The following EVPL variants were observed in gnomAD, a reference collection of about 807,000 sequenced individuals.
EVPL encodes envoplakin.
A neutral mutation model predicts 129.7 loss-of-function variants in EVPL; 94 were observed. That is an observed-to-expected ratio of 0.72 (90% CI 0.61 to 0.86). The LOEUF is 0.86. Among genes scored for constraint, EVPL ranks in the 40% least tolerant of loss-of-function variants. The pLI is 0.00. For synonymous variants in EVPL, 1,172 were observed against 1,191.1 expected (o/e 0.98, Z 0.33); for missense variants, 2,625 against 2,721.1 (o/e 0.96, Z 0.79).
Position 76,022,416 on chromosome 17 carries a change from C to A in EVPL, c.603G>T (p.Gly201=). Residue 201 remains glycine, a synonymous_variant, in exon 5 of 22, where the codon GGG becomes GGT. Coordinates refer to ENST00000301607, the MANE Select transcript of EVPL (RefSeq NM_001988.4). This position sits in a 1 kb window ranked among gnomAD's most constrained non-coding sequence, Gnocchi z 5.6. ...AYGQQLRSLV[G]PDAATIRSQY... is the part of the protein sequence containing the mutation. ...GACATCCTCCAGGCTCACCTACCGGCCCCACGAGGCTCCGCAGCTGCTGCC... is the reference window on the plus strand; with the variant it reads ...GACATCCTCCAGGCTCACCTACCGGACCCACGAGGCTCCGCAGCTGCTGCC... The A allele has an allele frequency of 6.2e-7, 1 of 1,613,674 alleles. No individual in the cohort carries two copies. Among genetic ancestry groups the A allele is most frequent in the Non-Finnish European group, 8.5e-7 (1 of 1,179,928 alleles).
rs769982483 is a variant in EVPL at position 76,009,544 on chromosome 17, C to A, written c.3661G>T (p.Ala1221Ser). The change falls in exon 22 of 22, where the codon GCG becomes TCG. Residue 1221 changes from alanine (A) to serine (S), a missense_variant. Physicochemically the swap from Ala to Ser is moderately conservative, Grantham distance 99. Coordinates refer to ENST00000301607, the MANE Select transcript of EVPL (RefSeq NM_001988.4). This position sits in a 1 kb window ranked among gnomAD's most constrained non-coding sequence, Gnocchi z 5.9. ...TRLKAKLQEM[A>S]GKRSGVEKEV... ...TTCTCCACACCGCTCCTCTTGCCCG[C>A]CATCTCCTGCAGCTTGGCCTTGAGC... 7 of 1,614,004 alleles carry A rather than the reference C, an allele frequency of 4.3e-6. No individual in the cohort carries two copies. Among genetic ancestry groups the A allele is most frequent in the Non-Finnish European group, 5.9e-6 (7 of 1,180,042 alleles).
rs1180198252 is a variant in EVPL, at chr17:76,021,486, G to C, written c.993C>G (p.His331Gln). ...GGCTCACCCGGCGGTAGTCCTCCAC[G>C]TGCTGCAGCTGGGTCTCCTGGCAGA... is the stretch of plus-strand genomic sequence containing the variant. ...LCICQETQLQ[H>Q]VEDYRRFQEE... The change falls in exon 9 of 22, where the codon CAC (histidine) becomes CAG (glutamine). Residue 331 changes from histidine to glutamine, a missense_variant. Around this residue, in one of 4 missense-constraint regions of EVPL, gnomAD observed 1,024 missense variants for 997.5 expected, o/e 1.03. Coordinates refer to ENST00000301607, the MANE Select transcript of EVPL (RefSeq NM_001988.4). 2 of 1,594,652 alleles carry C rather than the reference G, an allele frequency of 1.3e-6. No individual in the cohort carries two copies. Among genetic ancestry groups the C allele is most frequent in the Non-Finnish European group, 1.7e-6 (2 of 1,170,448 alleles).
rs2066336028 is a variant in EVPL, at chr17:76,008,024, G to A, written c.5181C>T (p.Thr1727=). 14 of 1,614,100 alleles carry A rather than the reference G, an allele frequency of 8.7e-6. No homozygotes were observed. Among genetic ancestry groups the A allele is most frequent in the Non-Finnish European group, 1.1e-5 (13 of 1,180,026 alleles). The part of the protein sequence containing the change: ...QELECDWEEV[T]TSGPCGEESV... The stretch of plus-strand genomic sequence containing the variant: ...ACTCCTCCCCACAGGGCCCCGAGGT[G>A]GTGACCTCCTCCCAGTCACACTCGA... Residue 1727 remains threonine (T), a synonymous_variant, in exon 22 of 22, where the codon ACC becomes ACT. Transcript: ENST00000301607. This position sits in a 1 kb window ranked among gnomAD's most constrained non-coding sequence, Gnocchi z 7.4.
In EVPL at chr17:76,011,850, G is replaced by A. The variant is rs772068114; in HGVS notation, c.2490C>T (p.Cys830=). 31 of 1,613,314 alleles carry A rather than the reference G, an allele frequency of 1.9e-5. No individual in the cohort carries two copies. Among genetic ancestry groups the A allele is most frequent in the Non-Finnish European group, 2.4e-5 (28 of 1,179,816 alleles). The part of the protein sequence containing the change: ...DYELQADTYR[C]SLEPTLAVSA... ...ACACTGCCAGGGTGGGCTCCAAAGA[G>A]CAGCGGTAGGTGTCTGCCTGGAGCT... Residue 830 remains cysteine (C), a synonymous_variant, in exon 20 of 22, where the codon TGC becomes TGT. Transcript: ENST00000301607.
chr17:76,015,501 A>G lies in EVPL; in HGVS notation c.1838T>C (p.Val613Ala), dbSNP rs928866204. The G allele has an allele frequency of 2.4e-5, 39 of 1,613,114 alleles. No homozygotes were observed. Among genetic ancestry groups the G allele is most frequent in the Non-Finnish European group, 3.2e-5 (38 of 1,179,984 alleles). ...CTGCACGTCACTGAACTTGTTCTTC[A>G]CGCTGTTGAGGGCTACGGGCAGCTG... ...ALQLPVALNS[V>A]KNKFSDVQVL... The change falls in exon 15 of 22, where the codon GTG becomes GCG. Residue 613 changes from valine to alanine, a missense_variant. Val to Ala is a moderately conservative substitution (Grantham distance 64). Transcript: ENST00000301607.
Position 76,007,131 on chromosome 17 carries a change from G to C in EVPL, c.6074C>G (p.Ser2025Cys). ...GCGAAGGGAGCGCGGGACGGTGGGG[G>C]AGGCGGAGCGGTAGCAGCGGTACCC... is the stretch of plus-strand genomic sequence containing the variant. ...LEGYRCYRSA[S>C]PTVPRSLR The change falls in exon 22 of 22, where the codon TCC becomes TGC. Residue 2025 changes from serine (S) to cysteine (C), a missense_variant. Transcript: ENST00000301607. This position sits in a 1 kb window ranked among gnomAD's most constrained non-coding sequence, Gnocchi z 8.8. 6.7e-7 allele frequency: 1 copy of C among 1,488,754 alleles called. No homozygotes were observed. Among genetic ancestry groups the C allele is most frequent in the East Asian group, 2.3e-5 (1 of 43,518 alleles). The allele number at this position is 1,488,754 out of a possible 1,614,324, so 92.2% of individuals were successfully genotyped here. A position where few individuals can be genotyped will look rare whatever the true frequency, so the allele number is the denominator to read the frequency against.
chr17:76,015,245 C>G lies in EVPL; in HGVS notation c.2010G>C (p.Glu670Asp). The change falls in exon 16 of 22, where the codon GAG becomes GAC. Residue 670 changes from glutamate (E) to aspartate (D), a missense_variant. Physicochemically the swap from Glu to Asp is conservative, Grantham distance 45 (BLOSUM62 2). Transcript: ENST00000301607. ...PIPAEPGALQ[E>D]RVSELQRQRR... ...CCCTTACCTGCAGCTCGCTGACCCT[C>G]TCCTGCAGAGCCCCCGGTTCAGCAG... 6 of 1,599,690 alleles carry G rather than the reference C, an allele frequency of 3.8e-6. No individual in the cohort carries two copies. The highest frequency in any genetic ancestry group is 2.5e-6 in the Non-Finnish European group (3 of 1,177,174).
chr17:76,026,495 G>A (rs1028501504), intron 1 of EVPL, among the ~76,000 whole-genome samples: 1 of 152,190 alleles, frequency 6.6e-6, no homozygotes, highest in Non-Finnish European at 1.5e-5. Context: ...GATTATAGGC[G>A]TGAGCCACGG....
rs754659256 is a variant in EVPL at position 76,007,777 on chromosome 17, T to C, written c.5428A>G (p.Ser1810Gly). ...AGAGAGAAGCTGGGAGAGAAGAAAC[T>C]GGTGCTCTGGGGGGCCGGGGAGGCG... is the stretch of plus-strand genomic sequence containing the variant. ...PLASPAPQST[S>G]FFSPSFSLGL... The change falls in exon 22 of 22, where the codon AGT (serine) becomes GGT (glycine). Residue 1810 changes from serine to glycine, a missense_variant. Transcript: ENST00000301607. This position sits in a 1 kb window ranked among gnomAD's most constrained non-coding sequence, Gnocchi z 8.8. The C allele has an allele frequency of 1.2e-6, 2 of 1,612,138 alleles. No homozygotes were observed. The highest frequency in any genetic ancestry group is 2.7e-5 in the African/African-American group (2 of 74,822).
At chr17:76,012,245 T>C in intron 18 of EVPL, 156 bp from the exon 19 acceptor site, 1 of 582,970 alleles carries the variant, frequency 1.7e-6, no homozygotes, top group South Asian at 2.2e-5. Flanking sequence ...CTCCTTTCCC[T>C]GACATCATTC....
intron 14 of EVPL, among the ~76,000 whole-genome samples, chr17:76,017,123 G>T (rs1057450492): frequency 1.3e-5 from 2 of 150,488 alleles, no homozygotes; most frequent in Non-Finnish European, 3.0e-5. Flanking sequence ...TGAGGCAGGA[G>T]AATTGCTTGA....
chr17:76,017,106 C>T (rs938609971), intron 14 of EVPL, among the ~76,000 whole-genome samples: 3 of 150,402 alleles, frequency 2.0e-5, no homozygotes, highest in Non-Finnish European at 4.4e-5. Context: ...CCAGCTACTC[C>T]GGAGGTTGAG....
intron 3 of EVPL, 27 bp downstream of exon 3, chr17:76,023,473 C>T (rs758789063): frequency 2.5e-6 from 4 of 1,611,704 alleles, no homozygotes; most frequent in Non-Finnish European, 3.4e-6. Context: ...CCCCAGGGAC[C>T]CCCAGCCCTG....
intron 11 of EVPL, 66 bp downstream of exon 11, chr17:76,018,848 G>T: frequency 6.8e-7 from 1 of 1,466,998 alleles, no homozygotes; most frequent in Non-Finnish European, 9.0e-7. Flanking sequence ...GATGGGCTTG[G>T]GCAGGGGCAG....
chr17:76,022,414 G>C lies in EVPL; in HGVS notation c.605C>G (p.Pro202Arg), dbSNP rs147209597. 120 of 1,613,472 alleles carry C rather than the reference G, an allele frequency of 7.4e-5. No individual in the cohort carries two copies. The highest frequency in any genetic ancestry group is 1.6e-4 in the Middle Eastern group (1 of 6,082). The change falls in exon 5 of 22, where the codon CCG becomes CGG. Residue 202 changes from proline (P) to arginine (R), a missense_variant and splice_region_variant. By Grantham distance (103) the Pro-to-Arg change is moderately radical. This residue lies in a region of EVPL where 1,024 missense variants were observed against 997.5 expected (regional missense o/e 1.03). Transcript: ENST00000301607. The surrounding 1 kb of genome is among the most constrained non-coding windows in gnomAD (Gnocchi z 5.6). Reference sequence around the variant, plus strand: ...GTGACATCCTCCAGGCTCACCTACCGGCCCCACGAGGCTCCGCAGCTGCTG... The same window carrying C: ...GTGACATCCTCCAGGCTCACCTACCCGCCCCACGAGGCTCCGCAGCTGCTG... ...YGQQLRSLVG[P>R]DAATIRSQYR...
In EVPL at chr17:76,013,919, G is replaced by A. The variant is rs985561439; in HGVS notation, c.2373+507C>T. ...GTGGTCTGCCCATCTGGTCGCCCTC[G>A]CCCCTGAGTCCCCCTCCTTTCCCCT... On this transcript the variant is annotated intron_variant, in intron 18 of 21. Coordinates refer to ENST00000301607, the MANE Select transcript of EVPL (RefSeq NM_001988.4). The surrounding 1 kb of genome is among the most constrained non-coding windows in gnomAD (Gnocchi z 4.3). Among the ~76,000 whole-genome samples the A allele has an allele frequency of 6.6e-5, 10 of 151,964 alleles. No individual in the cohort carries two copies. In the East Asian group the frequency reaches 7.7e-4, roughly 12 times the overall value.
Position 76,009,668 on chromosome 17 carries a change from C to T in EVPL, c.3537G>A (p.Lys1179=), listed in dbSNP as rs2066358462. Residue 1179 remains lysine, a synonymous_variant, in exon 22 of 22, where the codon AAG becomes AAA. Coordinates refer to ENST00000301607, the MANE Select transcript of EVPL (RefSeq NM_001988.4). The surrounding 1 kb of genome is among the most constrained non-coding windows in gnomAD (Gnocchi z 5.9). ...GCCTCTGCTTCTCCACCACGCTGTA[C>T]TTGCTGTGCAGGTCGCTCAGCTCCC... The part of the protein sequence containing the change: ...LARELSDLHS[K]YSVVEKQRPK... The T allele has an allele frequency of 1.2e-6, 2 of 1,613,620 alleles. No homozygotes were observed. The highest frequency in any genetic ancestry group is 1.7e-5 in the Admixed American group (1 of 60,010).
chr17:76,026,020 C>T (rs1405008225), intron 1 of EVPL, among the ~76,000 whole-genome samples: 1 of 152,250 alleles, frequency 6.6e-6, no homozygotes, highest in African/African-American at 2.4e-5. Flanking sequence ...CGGCTCACTG[C>T]AGCCTCGACT....
chr17:76,015,420 G>A lies in EVPL; in HGVS notation c.1889+30C>T, dbSNP rs1229284986. The A allele has an allele frequency of 1.9e-6, 3 of 1,606,112 alleles. No individual in the cohort carries two copies. In the East Asian group the frequency reaches 6.7e-5, roughly 36 times the overall value. On this transcript the variant is annotated intron_variant, in intron 15 of 21. Coordinates refer to ENST00000301607, the MANE Select transcript of EVPL (RefSeq NM_001988.4). ...TCCCTGGGCCACACGCTGCTGCCCT[G>A]CGTGGCTGCCCTGTCCCCAGAGCAC...
Sources: gnomAD v4.1 joint callset for allele counts (sites outside exome capture counted in the v4.1 genomes callset) on GRCh38, gnomAD v4.1.1 for gene constraint, gnomAD v4.1.1 regional missense constraint, Gnocchi (gnomAD v3.1) non-coding constraint, MANE v1.5 for transcripts, NCBI Gene and HGNC (gene_info 2026-07-23, HGNC 2026-07-21) for gene names.